Variants in TAF12 observed in about 807,000 individuals in gnomAD.
TAF12 encodes TATA-box binding protein associated factor 12, also known as transcription initiation factor TFIID subunit 12.
A neutral mutation model predicts 20.8 loss-of-function variants in TAF12; 3 were observed. The observed-to-expected ratio is 0.14, with a 90% confidence interval of 0.07 to 0.37. The LOEUF is 0.37. TAF12 is among the 10% of genes least tolerant of loss of function. The pLI is 1.00. For missense variants in TAF12, 131 were observed against 197.9 expected (o/e 0.66, Z 2.03); for synonymous variants, 69 against 70.2 (o/e 0.98, Z 0.09).
intron 1 of TAF12, among the ~76,000 whole-genome samples, chr1:28,638,684 C>A (rs554599994): frequency 1.3e-5 from 2 of 151,038 alleles, no homozygotes; most frequent in African/African-American, 4.9e-5. Context: ...CGGGGTTTTA[C>A]CATGTTGGCC....
intron 1 of TAF12, among the ~76,000 whole-genome samples, chr1:28,639,829 C>T (rs1667974172): frequency 6.6e-6 from 1 of 151,890 alleles, no homozygotes; most frequent in Admixed American, 6.6e-5. Flanking sequence ...AAATTTAAGC[C>T]CTTGTTTTTC....
intron 1 of TAF12, among the ~76,000 whole-genome samples, chr1:28,633,164 C>CA (rs1667697733): frequency 8.5e-6 from 1 of 117,562 alleles, no homozygotes; most frequent in Non-Finnish European, 1.8e-5. Flanking sequence ...GCCCGGCCTA[C>CA]TTTTTTTTTT....
Position 28,603,494 on chromosome 1 carries a change from G to GT in TAF12, c.*44dup. On this transcript the variant is annotated 3_prime_UTR_variant, in exon 6 of 6. Coordinates refer to ENST00000373824, the MANE Select transcript of TAF12 (RefSeq NM_005644.4). Reference sequence around the variant, plus strand: ...TGAGATGGCTGAGTTCTCAGCTCAAGTATCTCCAAATACATTGCTGTCCAT... The same window carrying GT: ...TGAGATGGCTGAGTTCTCAGCTCAAGTTATCTCCAAATACATTGCTGTCCAT... The GT allele has an allele frequency of 6.2e-7, 1 of 1,607,304 alleles. No homozygotes were observed. The highest frequency in any genetic ancestry group is 8.5e-7 in the Non-Finnish European group (1 of 1,174,594).
chr1:28,611,994 T>C (rs1174979195), intron 4 of TAF12, among the ~76,000 whole-genome samples: 1 of 152,152 alleles, frequency 6.6e-6, no homozygotes, highest in Non-Finnish European at 1.5e-5. Context: ...ATCTGTTCTT[T>C]TCTCTAGATA....
At chr1:28,613,139 G>T in intron 4 of TAF12, 108 bp downstream of exon 4, 1 of 763,946 alleles carries the variant, frequency 1.3e-6, no homozygotes, top group Non-Finnish European at 2.0e-6. Context: ...ATAAATCCCA[G>T]TGCCCAAAAG....
intron 1 of TAF12, chr1:28,648,143 C>G (rs1668247052): frequency 1.0e-6 from 1 of 985,098 alleles, no homozygotes; most frequent in South Asian, 4.7e-5. Context: ...AGGGGTGGCA[C>G]AAGTTACACA....
At chr1:28,608,175 C>CAAAAAAAAAAAAA (rs58747974) in intron 4 of TAF12, among the ~76,000 whole-genome samples, 1 of 63,700 alleles carries the variant, frequency 1.6e-5, no homozygotes, top group African/African-American at 5.3e-5. Flanking sequence ...ACTAAAAATA[C>CAAAAAAAAAAAAA]AAAAAAAAAA....
At position 28,608,582 on chromosome 1, in the gene TAF12, C is replaced by T. The variant is rs146466884; in HGVS notation, c.362-3122G>A. On this transcript the variant is annotated intron_variant, in intron 4 of 5. Coordinates refer to ENST00000373824, the MANE Select transcript of TAF12 (RefSeq NM_005644.4). ...CAGCCTGGGCAACACAGTGAAAACC[C>T]GTCTCGACTAAAAATACAAAAAATT... 1.9e-3 allele frequency among the ~76,000 whole-genome samples: 289 copies of T among 151,486 alleles called. 1 individual carries two copies. Among genetic ancestry groups the T allele is most frequent in the African/African-American group, 6.7e-3 (278 of 41,322 alleles).
intron 1 of TAF12, 122 bp downstream of exon 1, chr1:28,642,870 C>T (rs1668083769): frequency 1.1e-5 from 11 of 985,934 alleles, no homozygotes; most frequent in Non-Finnish European, 1.3e-5. Context: ...TCCCAAGAGC[C>T]TGAATCCTCA....
chr1:28,617,050 G>A (rs987417646), intron 3 of TAF12, among the ~76,000 whole-genome samples: 4 of 152,106 alleles, frequency 2.6e-5, no homozygotes, highest in African/African-American at 9.7e-5. Context: ...AACCCAGGAG[G>A]CGGAGGTTGC....
chr1:28,632,013 C>T (rs1331197652), intron 1 of TAF12, among the ~76,000 whole-genome samples: 1 of 152,136 alleles, frequency 6.6e-6, no homozygotes, highest in Non-Finnish European at 1.5e-5. Flanking sequence ...AACTTACATT[C>T]ACACAAAAAT....
chr1:28,605,770 C>T (rs1426685654), intron 4 of TAF12, among the ~76,000 whole-genome samples: 4 of 152,132 alleles, frequency 2.6e-5, no homozygotes, highest in Non-Finnish European at 4.4e-5. Flanking sequence ...GGACTACAGG[C>T]GCATGCCACC....
intron 1 of TAF12, among the ~76,000 whole-genome samples, chr1:28,625,525 T>C (rs943026072): frequency 6.6e-6 from 1 of 151,462 alleles, no homozygotes; most frequent in Non-Finnish European, 1.5e-5. Flanking sequence ...TGCACACCAC[T>C]GCACCCAGCT....
chr1:28,615,678 CAAAAAAAAAAAAAA>C (rs57536422), intron 3 of TAF12, among the ~76,000 whole-genome samples: 18 of 34,494 alleles, frequency 5.2e-4, no homozygotes, highest in East Asian at 1.5e-3. Context: ...GACTCCGTCT[CAAAAAAAAAAAAAA>C]AAAAAAAAAA....
intron 2 of TAF12, among the ~76,000 whole-genome samples, chr1:28,618,534 ATTT>A (rs968347496): frequency 5.6e-5 from 7 of 125,692 alleles, no homozygotes; most frequent in Admixed American, 8.1e-5. Context: ...TACCTGGCTA[ATTT>A]TTTTTTTTTT....
At chr1:28,642,074 G>C (rs948780741) in intron 1 of TAF12, among the ~76,000 whole-genome samples, 2 of 152,074 alleles carry the variant, frequency 1.3e-5, no homozygotes, top group East Asian at 3.9e-4. Context: ...GCTCATTCAG[G>C]GTTGAGTGGA....
At position 28,617,910 on chromosome 1, in the gene TAF12, G is replaced by A. The variant is rs368634254; in HGVS notation, c.246+43C>T. ...GTGCTCTTAACCACTATGCTATACC[G>A]GTTCTCAGGGACCAGTTTCTGGGGT... is the stretch of plus-strand genomic sequence containing the variant. On this transcript the variant is annotated intron_variant, in intron 3 of 5. Transcript: ENST00000373824. 1.2e-3 allele frequency: 1,908 copies of A among 1,583,262 alleles called. 1 individual carries two copies. The highest frequency in any genetic ancestry group is 1.6e-3 in the Non-Finnish European group (1,846 of 1,152,432).
chr1:28,627,382 C>T lies in TAF12; in HGVS notation c.-84-5217G>A, dbSNP rs1468150297. Among the ~76,000 whole-genome samples the T allele has an allele frequency of 6.1e-5, 8 of 130,942 alleles. No homozygotes were observed. The East Asian group carries it at 8.9e-4, about 15-fold the overall frequency. 85.9% of individuals were successfully genotyped at this position (130,942 alleles called of 152,430 possible). ...CAGCCTGGGTAACAGAGTGAGACTC[C>T]GTCTCAAAGAAAAAAAAAAAAAAAA... On this transcript the variant is annotated intron_variant, in intron 1 of 5. Coordinates refer to ENST00000373824, the MANE Select transcript of TAF12 (RefSeq NM_005644.4).
chr1:28,637,510 C>A (rs992554777), intron 1 of TAF12, among the ~76,000 whole-genome samples: 1 of 151,846 alleles, frequency 6.6e-6, no homozygotes. Flanking sequence ...ACTAAAAATA[C>A]AAAAAATAGC....
Sources: allele counts gnomAD v4.1 joint callset (sites outside exome capture counted in the v4.1 genomes callset), GRCh38; gene constraint gnomAD v4.1.1; transcripts MANE v1.5; gene names NCBI Gene and HGNC (gene_info 2026-07-23, HGNC 2026-07-21).